Variants in SLC9A9 observed in about 807,000 individuals in gnomAD.
SLC9A9 encodes solute carrier family 9 member A9.
Under a neutral mutation model 77.8 loss-of-function variants are expected in SLC9A9, and 62 were observed. The observed-to-expected ratio is 0.80, with a 90% confidence interval of 0.65 to 0.98. The LOEUF is 0.98. SLC9A9 is among the 50% of genes least tolerant of loss of function. The pLI, the probability that SLC9A9 is intolerant of heterozygous loss-of-function variation, is 0.00. For synonymous variants in SLC9A9, 320 were observed against 283.5 expected, an observed-to-expected ratio of 1.13 and a Z score of -1.29; for missense variants, 775 against 774.9, an observed-to-expected ratio of 1.00 and a Z score of 0.00.
At chr3:143,691,817 T>C (rs1933478228) in intron 5 of SLC9A9, among the ~76,000 whole-genome samples, 1 of 152,114 alleles carries the variant, frequency 6.6e-6, no homozygotes, top group Non-Finnish European at 1.5e-5. Context: ...TCCTTTCTAA[T>C]ACCCACTGAG....
chr3:143,448,763 G>T (rs1351098719), intron 12 of SLC9A9, among the ~76,000 whole-genome samples: 1 of 145,502 alleles, frequency 6.9e-6, no homozygotes, highest in East Asian at 2.0e-4. Flanking sequence ...ATTTATAATA[G>T]TCTAAGATTA....
At chr3:143,522,120 G>A (rs190560438) in intron 9 of SLC9A9, among the ~76,000 whole-genome samples, 1 of 152,222 alleles carries the variant, frequency 6.6e-6, no homozygotes, top group East Asian at 1.9e-4. Flanking sequence ...CGACCTCATA[G>A]CAATATAAAC....
intron 6 of SLC9A9, among the ~76,000 whole-genome samples, chr3:143,580,193 G>A (rs1336162251): frequency 1.3e-5 from 2 of 152,212 alleles, no homozygotes; most frequent in African/African-American, 4.8e-5. Context: ...GAAACCTGGT[G>A]CCCAAGGCTG....
chr3:143,631,903 G>T (rs989513798), intron 6 of SLC9A9, among the ~76,000 whole-genome samples: 1 of 152,160 alleles, frequency 6.6e-6, no homozygotes, highest in African/African-American at 2.4e-5. Flanking sequence ...TACATAGGCT[G>T]CTCCTGACTA....
At chr3:143,718,871 A>G (rs79096362) in intron 4 of SLC9A9, among the ~76,000 whole-genome samples, 5,230 of 152,266 alleles carry the variant, frequency 0.034, 293 homozygotes, top group African/African-American at 0.12. Context: ...TTGAAATCAG[A>G]AACTCGGAGT....
chr3:143,733,520 C>A (rs1934861941), intron 4 of SLC9A9, among the ~76,000 whole-genome samples: 1 of 151,946 alleles, frequency 6.6e-6, no homozygotes, highest in Admixed American at 6.6e-5. Flanking sequence ...AGCAAGGGAG[C>A]CCACCTCATT....
intron 8 of SLC9A9, among the ~76,000 whole-genome samples, chr3:143,567,016 A>G (rs1164786921): frequency 2.6e-5 from 4 of 152,192 alleles, no homozygotes; most frequent in African/African-American, 9.6e-5. Flanking sequence ...TATTTTCAAT[A>G]TTCATTTAAA....
At chr3:143,504,717 C>T (rs2035982381) in intron 9 of SLC9A9, among the ~76,000 whole-genome samples, 1 of 152,082 alleles carries the variant, frequency 6.6e-6, no homozygotes, top group South Asian at 2.1e-4. Context: ...CTTTTACATA[C>T]TTTAACAATT....
chr3:143,715,261 C>T (rs1934307182), intron 4 of SLC9A9, among the ~76,000 whole-genome samples: 1 of 152,150 alleles, frequency 6.6e-6, no homozygotes, highest in African/African-American at 2.4e-5. Flanking sequence ...GCTCAAAGGC[C>T]ACTGCTCCAA....
At position 143,426,764 on chromosome 3, in the gene SLC9A9, A is replaced by G. The variant is rs74471367; in HGVS notation, c.1469+40273T>C. Among the ~76,000 whole-genome samples, 652 of 152,360 alleles carry G rather than the reference A, an allele frequency of 4.3e-3. 26 individuals carry two copies. Among genetic ancestry groups the G allele is most frequent in the East Asian group, 0.031 (161 of 5,190 alleles). ...ATAATTATGAGAGCTAACATTTACT[A>G]TGCACCAGGCACTGTTTTGAGTACT... On this transcript the variant is annotated intron_variant, in intron 12 of 15. Transcript: ENST00000316549.
chr3:143,717,733 G>A lies in SLC9A9; in HGVS notation c.534-24426C>T, dbSNP rs192114833. 6.2e-4 allele frequency among the ~76,000 whole-genome samples: 94 copies of A among 152,278 alleles called. 1 individual carries two copies. Among genetic ancestry groups the A allele is most frequent in the African/African-American group, 2.2e-3 (92 of 41,540 alleles). The stretch of plus-strand genomic sequence containing the variant: ...CTGATATACTAGTTTGAACCAAGAT[G>A]CACCCCATTTGTTGGAAGGTGTTTT... On this transcript the variant is annotated intron_variant, in intron 4 of 15. Coordinates refer to ENST00000316549, the MANE Select transcript of SLC9A9 (RefSeq NM_173653.4).
chr3:143,333,048 A>G lies in SLC9A9; in HGVS notation c.1604+30436T>C, dbSNP rs191810080. 1.1e-3 allele frequency among the ~76,000 whole-genome samples: 175 copies of G among 152,342 alleles called. 1 individual carries two copies. The highest frequency in any genetic ancestry group is 4.2e-3 in the African/African-American group (173 of 41,586). ...ACATCTACTGTAGTTTTTTAAGGGG[A>G]AAACTGATGAGAATGTGAATGTTTC... is the stretch of plus-strand genomic sequence containing the variant. On this transcript the variant is annotated intron_variant, in intron 14 of 15. Coordinates refer to ENST00000316549, the MANE Select transcript of SLC9A9 (RefSeq NM_173653.4).
At chr3:143,665,974 C>G (rs2039058687) in intron 5 of SLC9A9, among the ~76,000 whole-genome samples, 1 of 152,338 alleles carries the variant, frequency 6.6e-6, no homozygotes, top group South Asian at 2.1e-4. Context: ...CTTCCTAACT[C>G]ATTTTATGAG....
chr3:143,644,104 G>C (rs1186456021), intron 6 of SLC9A9, among the ~76,000 whole-genome samples: 3 of 152,126 alleles, frequency 2.0e-5, no homozygotes. Flanking sequence ...GAGAGAAAAA[G>C]AACAGATAGA....
At chr3:143,511,956 T>G (rs2036122620) in intron 9 of SLC9A9, among the ~76,000 whole-genome samples, 1 of 152,194 alleles carries the variant, frequency 6.6e-6, no homozygotes, top group African/African-American at 2.4e-5. Flanking sequence ...TTTCACCTTG[T>G]GGTAAATCAA....
chr3:143,443,996 G>C (rs1008357123), intron 12 of SLC9A9, among the ~76,000 whole-genome samples: 16 of 152,270 alleles, frequency 1.1e-4, no homozygotes, highest in Middle Eastern at 3.4e-3. Context: ...TAAGTAGGTG[G>C]TGTAATGACT....
intron 14 of SLC9A9, among the ~76,000 whole-genome samples, chr3:143,279,902 C>G (rs1938165057): frequency 6.6e-6 from 1 of 152,220 alleles, no homozygotes; most frequent in Non-Finnish European, 1.5e-5. Context: ...TCACTGCAGC[C>G]TCGACCTCCT....
intron 6 of SLC9A9, among the ~76,000 whole-genome samples, chr3:143,602,510 T>C (rs1341188147): frequency 1.3e-5 from 2 of 152,252 alleles, no homozygotes; most frequent in African/African-American, 4.8e-5. Context: ...CTAGACATTT[T>C]TAATGCTTAA....
intron 6 of SLC9A9, among the ~76,000 whole-genome samples, chr3:143,591,098 G>A (rs1345293442): frequency 6.6e-6 from 1 of 152,156 alleles, no homozygotes; most frequent in African/African-American, 2.4e-5. Context: ...CGGCCTGAGG[G>A]AGTTTCACCT....
Sources: gnomAD v4.1 joint callset for allele counts (sites outside exome capture counted in the v4.1 genomes callset) on GRCh38, gnomAD v4.1.1 for gene constraint, MANE v1.5 for transcripts, NCBI Gene and HGNC (gene_info 2026-07-23, HGNC 2026-07-21) for gene names.